Variants in C8orf34 observed in about 807,000 individuals in gnomAD.
The protein encoded by C8orf34 is chromosome 8 open reading frame 34.
In C8orf34, 65 loss-of-function variants were observed where a neutral mutation model predicts 68.3. The observed-to-expected ratio is 0.95, with a 90% CI of 0.78 to 1.17. The LOEUF (loss-of-function observed/expected upper bound fraction) is 1.17. Ranked by LOEUF, C8orf34 falls within the 50% of genes most tolerant of loss-of-function variation. The pLI is 0.00. For missense variants in C8orf34, 664 were observed against 655.4 expected (o/e 1.01, Z -0.14); for synonymous variants, 244 against 241.2 (o/e 1.01, Z -0.11).
At chr8:68,434,654 T>C (rs1215195821) in intron 1 of C8orf34, among the ~76,000 whole-genome samples, 1 of 152,212 alleles carries the variant, frequency 6.6e-6, no homozygotes, top group African/African-American at 2.4e-5. Context: ...AACAAAATTA[T>C]AATTAACAAT....
At chr8:68,449,775 T>C (rs1182510417) in intron 3 of C8orf34, among the ~76,000 whole-genome samples, 1 of 152,114 alleles carries the variant, frequency 6.6e-6, no homozygotes, top group Admixed American at 6.6e-5. Flanking sequence ...TGCCTTGACA[T>C]TGATGGCTGT....
At chr8:68,691,178 G>A (rs923120283) in intron 8 of C8orf34, among the ~76,000 whole-genome samples, 3 of 152,036 alleles carry the variant, frequency 2.0e-5, no homozygotes, top group African/African-American at 4.8e-5. Flanking sequence ...GCTTTATTGA[G>A]CTGTGAAGAT....
intron 8 of C8orf34, among the ~76,000 whole-genome samples, chr8:68,697,695 A>G (rs1820876022): frequency 6.6e-6 from 1 of 152,118 alleles, no homozygotes; most frequent in Admixed American, 6.6e-5. Context: ...TGAGTACAGT[A>G]TTGGAGCTAC....
At chr8:68,617,588 T>C (rs1432014843) in intron 7 of C8orf34, among the ~76,000 whole-genome samples, 1 of 152,228 alleles carries the variant, frequency 6.6e-6, no homozygotes, top group East Asian at 1.9e-4. Context: ...AAAATTCTTT[T>C]CTTTAAGAAT....
chr8:68,745,438 G>A (rs955404155), intron 10 of C8orf34, among the ~76,000 whole-genome samples: 2 of 152,082 alleles, frequency 1.3e-5, no homozygotes, highest in East Asian at 3.9e-4. Flanking sequence ...ACACACACTG[G>A]CAAATTGGAT....
intron 1 of C8orf34, among the ~76,000 whole-genome samples, chr8:68,356,648 G>T (rs1015178150): frequency 1.3e-5 from 2 of 152,070 alleles, no homozygotes; most frequent in African/African-American, 4.8e-5. Context: ...ATGTGAATTG[G>T]ATAAGGTAAA....
chr8:68,330,855 T>G (rs1158607047), upstream of C8orf34: 5 of 590,650 alleles, frequency 8.5e-6, no homozygotes, highest in East Asian at 1.4e-4. Flanking sequence ...CCGCGGCCCC[T>G]GTCCGCCCGC....
chr8:68,778,650 C>G (rs565474982), intron 11 of C8orf34, among the ~76,000 whole-genome samples: 12 of 152,096 alleles, frequency 7.9e-5, no homozygotes, highest in African/African-American at 2.9e-4. Flanking sequence ...GCCTACATTT[C>G]TTTGTCCTCA....
chr8:68,359,096 C>G (rs935628820), intron 1 of C8orf34, among the ~76,000 whole-genome samples: 2 of 152,010 alleles, frequency 1.3e-5, no homozygotes, highest in Admixed American at 1.3e-4. Flanking sequence ...AACGTTTCCC[C>G]AGATGAGAGA....
At chr8:68,627,069 G>GA (rs1218579322) in intron 7 of C8orf34, among the ~76,000 whole-genome samples, 2 of 151,998 alleles carry the variant, frequency 1.3e-5, no homozygotes, top group East Asian at 1.9e-4. Flanking sequence ...TTTCATATTT[G>GA]AAAAAAATTA....
intron 1 of C8orf34, among the ~76,000 whole-genome samples, chr8:68,410,111 C>G (rs569858005): frequency 6.6e-6 from 1 of 152,152 alleles, no homozygotes; most frequent in Non-Finnish European, 1.5e-5. Flanking sequence ...TGAGACGTGA[C>G]TGCATAGAAA....
rs556505379 is a variant in C8orf34, at chr8:68,748,950, C to T, written c.1405-27449C>T. 1.7e-4 allele frequency among the ~76,000 whole-genome samples: 26 copies of T among 152,142 alleles called. 1 individual carries two copies. The highest frequency in any genetic ancestry group is 6.2e-4 in the South Asian group (3 of 4,812). On this transcript the variant is annotated intron_variant, in intron 10 of 13. Coordinates refer to ENST00000518698, the MANE Select transcript of C8orf34 (RefSeq NM_052958.4). ...GACACATGCACACGTATGTTTATTG[C>T]GGCATTATTCACAATAGCAAAGACT...
At chr8:68,432,495 A>T (rs537002242) in intron 1 of C8orf34, among the ~76,000 whole-genome samples, 3 of 151,930 alleles carry the variant, frequency 2.0e-5, no homozygotes, top group African/African-American at 7.3e-5. Context: ...TTTTTAGTAG[A>T]CAGGGTTTCA....
chr8:68,758,397 A>G (rs1822928501), intron 10 of C8orf34, among the ~76,000 whole-genome samples: 1 of 152,210 alleles, frequency 6.6e-6, no homozygotes, highest in East Asian at 1.9e-4. Context: ...AGCCAGAATC[A>G]GGTCAGTAGC....
chr8:68,571,560 TGGTG>T (rs1554579668), intron 7 of C8orf34, among the ~76,000 whole-genome samples: 1 of 214 alleles, frequency 4.7e-3, no homozygotes, highest in Non-Finnish European at 0.011. Flanking sequence ...ATTGTGTTGT[TGGTG>T]GGTTGAGTTC....
intron 9 of C8orf34, among the ~76,000 whole-genome samples, chr8:68,719,895 A>G (rs1419196147): frequency 6.6e-6 from 1 of 151,966 alleles, no homozygotes; most frequent in Non-Finnish European, 1.5e-5. Flanking sequence ...GTGAATACTA[A>G]AATTATAGTA....
At chr8:68,762,699 T>C (rs1198163289) in intron 10 of C8orf34, among the ~76,000 whole-genome samples, 1 of 152,212 alleles carries the variant, frequency 6.6e-6, no homozygotes, top group Non-Finnish European at 1.5e-5. Context: ...GGGCATACCT[T>C]CGTAAGAATA....
intron 7 of C8orf34, among the ~76,000 whole-genome samples, chr8:68,622,600 A>ATTTC: frequency 6.6e-6 from 1 of 152,230 alleles, no homozygotes; most frequent in African/African-American, 2.4e-5. Context: ...AAGTGAGCAT[A>ATTTC]AGAGACAATA....
At chr8:68,378,293 T>G (rs758283339) in intron 1 of C8orf34, among the ~76,000 whole-genome samples, 53 of 152,194 alleles carry the variant, frequency 3.5e-4, no homozygotes, top group Non-Finnish European at 4.9e-4. Context: ...AAGTTTCTCC[T>G]ACAAGAATGT....
Sources: allele counts gnomAD v4.1 joint callset (sites outside exome capture counted in the v4.1 genomes callset), GRCh38; gene constraint gnomAD v4.1.1; transcripts MANE v1.5; gene names NCBI Gene and HGNC (gene_info 2026-07-23, HGNC 2026-07-21).